TENM2: variants seen among roughly 807,000 people sequenced by gnomAD.
TENM2 encodes teneurin-2.
Under a neutral mutation model 245.2 loss-of-function variants are expected in TENM2, and 52 were observed. The observed-to-expected ratio is 0.21, with a 90% confidence interval of 0.17 to 0.27. The LOEUF (loss-of-function observed/expected upper bound fraction) is 0.27, where lower values mean the gene tolerates loss of function less well. Ranked by LOEUF, TENM2 falls within the 10% of genes least tolerant of loss-of-function variation. TENM2 has a pLI of 1.00. For synonymous variants in TENM2, 1,363 were observed against 1,438.9 expected, an observed-to-expected ratio of 0.95 and a Z score of 1.19; for missense variants, 3,046 against 3,666.8, an observed-to-expected ratio of 0.83 and a Z score of 4.37.
At chr5:168,137,639 T>C (rs1755162849) in intron 12 of TENM2, among the ~76,000 whole-genome samples, 2 of 152,244 alleles carry the variant, frequency 1.3e-5, no homozygotes, top group South Asian at 4.1e-4. Context: ...TAGGTGTGTG[T>C]GAGCCCAGAA....
At chr5:168,149,466 G>T (rs745890453) in intron 12 of TENM2, 91 of 455,688 alleles carry the variant, frequency 2.0e-4, no homozygotes, top group Non-Finnish European at 3.7e-4. Context: ...ATGTCTAATT[G>T]TCTGCTTTTG....
intron 2 of TENM2, among the ~76,000 whole-genome samples, chr5:167,442,814 T>G (rs1158124384): frequency 6.6e-6 from 1 of 152,140 alleles, no homozygotes; most frequent in Non-Finnish European, 1.5e-5. Context: ...TGGTCAAATT[T>G]TCAGTGAGAG....
intron 1 of TENM2, among the ~76,000 whole-genome samples, chr5:167,370,333 CTCCG>C (rs1215986153): frequency 8.7e-6 from 1 of 114,830 alleles, no homozygotes; most frequent in African/African-American, 3.4e-5. Context: ...CAGAGTGAGA[CTCCG>C]TCTCAAAAAA....
At chr5:167,127,614 CTTTT>C in the TENM2 span, among the ~76,000 whole-genome samples, 33 of 116,812 alleles carry the variant, frequency 2.8e-4, no homozygotes, top group African/African-American at 4.3e-4. Context: ...AGAATACAAG[CTTTT>C]TTTTTTTTTT....
intron 2 of TENM2, among the ~76,000 whole-genome samples, chr5:167,427,409 C>T (rs1763897666): frequency 6.6e-6 from 1 of 151,614 alleles, no homozygotes; most frequent in East Asian, 2.0e-4. Context: ...GCCGAGATCA[C>T]ACCACTGCAC....
At chr5:168,205,972 G>A (rs966122509) in intron 19 of TENM2, among the ~76,000 whole-genome samples, 23 of 152,212 alleles carry the variant, frequency 1.5e-4, no homozygotes, top group Admixed American at 9.2e-4. Context: ...CAGAATGGTA[G>A]CAGAAGAAAG....
chr5:167,578,336 T>C (rs779987334), intron 2 of TENM2, among the ~76,000 whole-genome samples: 2 of 152,218 alleles, frequency 1.3e-5, no homozygotes, highest in Non-Finnish European at 2.9e-5. Flanking sequence ...GCTGGAAGCC[T>C]GTGAATAATC....
chr5:167,318,202 A>G (rs531120101), intron 1 of TENM2, among the ~76,000 whole-genome samples: 2 of 152,170 alleles, frequency 1.3e-5, no homozygotes, highest in Admixed American at 6.5e-5. Flanking sequence ...TTTAACACCA[A>G]TGTGTCAGTA....
chr5:167,539,487 G>C (rs1389640035), intron 2 of TENM2, among the ~76,000 whole-genome samples: 1 of 152,034 alleles, frequency 6.6e-6, no homozygotes, highest in Non-Finnish European at 1.5e-5. Context: ...CAGAAGCATA[G>C]GTTTAAAATA....
intron 2 of TENM2, among the ~76,000 whole-genome samples, chr5:167,848,710 A>G (rs778423098): frequency 3.9e-5 from 6 of 152,166 alleles, no homozygotes; most frequent in Admixed American, 2.0e-4. Context: ...CTCTCTGGTG[A>G]CTTTTTTCCA....
intron 4 of TENM2, among the ~76,000 whole-genome samples, chr5:167,955,251 C>T (rs1583477123): frequency 6.6e-6 from 1 of 152,158 alleles, no homozygotes; most frequent in African/African-American, 2.4e-5. Flanking sequence ...GGTTGTTGCC[C>T]ACATGAATGT....
chr5:167,976,944 T>C (rs1480231775), intron 4 of TENM2, among the ~76,000 whole-genome samples: 1 of 152,100 alleles, frequency 6.6e-6, no homozygotes, highest in Non-Finnish European at 1.5e-5. Flanking sequence ...GTAGACTAGA[T>C]AAAGAAGATG....
At chr5:168,183,062 CCTCATGAT>C (rs147320179) in intron 13 of TENM2, among the ~76,000 whole-genome samples, 3,436 of 152,154 alleles carry the variant, frequency 0.023, 61 homozygotes, top group South Asian at 0.036. Context: ...GAACTCCTGA[CCTCATGAT>C]CCACCCGCCT....
At chr5:168,157,087 G>T (rs971148869) in intron 12 of TENM2, among the ~76,000 whole-genome samples, 2 of 152,182 alleles carry the variant, frequency 1.3e-5, no homozygotes, top group Non-Finnish European at 2.9e-5. Flanking sequence ...CAGCGGGGCG[G>T]GTAGTACCAC....
intron 2 of TENM2, among the ~76,000 whole-genome samples, chr5:167,379,523 G>A (rs971055967): frequency 1.3e-5 from 2 of 152,062 alleles, no homozygotes; most frequent in South Asian, 2.1e-4. Context: ...GCATTGGAGC[G>A]TTTCTTAAGT....
chr5:167,854,020 A>G (rs1770841064), intron 2 of TENM2, among the ~76,000 whole-genome samples: 1 of 152,236 alleles, frequency 6.6e-6, no homozygotes, highest in African/African-American at 2.4e-5. Context: ...TTTCATTTGT[A>G]TTATTTATAT....
intron 2 of TENM2, among the ~76,000 whole-genome samples, chr5:167,413,668 C>T (rs758848916): frequency 1.3e-4 from 20 of 152,070 alleles, no homozygotes; most frequent in Non-Finnish European, 2.4e-4. Flanking sequence ...CTATGCTTTA[C>T]GTATAGAACC....
chr5:168,173,126 T>C (rs1009728322), intron 13 of TENM2, among the ~76,000 whole-genome samples: 7 of 152,122 alleles, frequency 4.6e-5, no homozygotes, highest in African/African-American at 1.7e-4. Flanking sequence ...CCACGTGCAC[T>C]GAGGCACACT....
the TENM2 span, among the ~76,000 whole-genome samples, chr5:167,235,787 C>T: frequency 6.6e-6 from 1 of 152,174 alleles, no homozygotes. Flanking sequence ...TACCTTAAAT[C>T]TTGCATTCAT....
Sources: gnomAD v4.1 joint callset for allele counts (sites outside exome capture counted in the v4.1 genomes callset) on GRCh38, gnomAD v4.1.1 for gene constraint, MANE v1.5 for transcripts, NCBI Gene and HGNC (gene_info 2026-07-23, HGNC 2026-07-21) for gene names.